Variants in SLC25A6 observed in about 807,000 individuals in gnomAD.
SLC25A6 encodes solute carrier family 25 member 6, also known as ADP/ATP translocase 3.
A neutral mutation model predicts 25.7 loss-of-function variants in SLC25A6; 9 were observed. The observed-to-expected ratio is 0.35, with a 90% CI of 0.21 to 0.61. The LOEUF (loss-of-function observed/expected upper bound fraction) is 0.61. SLC25A6 is among the 20% of genes least tolerant of loss of function. The pLI is 0.76. For synonymous variants in SLC25A6, 223 were observed against 197.0 expected, an observed-to-expected ratio of 1.13 and a Z score of -1.11; for missense variants, 404 against 440.5, an observed-to-expected ratio of 0.92 and a Z score of 0.74.
chrX:1,388,792 T>C (rs1358961787), intron 2 of SLC25A6, among the ~76,000 whole-genome samples: 2 of 149,714 alleles, frequency 1.3e-5, no homozygotes, highest in East Asian at 4.0e-4. Flanking sequence ...GATTAAGACA[T>C]CTCATAACAA....
intron 2 of SLC25A6, among the ~76,000 whole-genome samples, chrX:1,387,937 G>A (rs2089347609): frequency 6.6e-6 from 1 of 151,746 alleles, no homozygotes; most frequent in Admixed American, 6.6e-5. Context: ...GACACAGGGA[G>A]AAGACGGTGT....
At position 1,386,620 on chromosome X, in the gene SLC25A6, C is replaced by A; in HGVS notation, c.879G>T (p.Glu293Asp). The A allele has an allele frequency of 6.3e-7, 1 of 1,583,836 alleles. No homozygotes were observed. Among genetic ancestry groups the A allele is most frequent in the Non-Finnish European group, 8.6e-7 (1 of 1,166,096 alleles). The change falls in exon 4 of 4, where the codon GAG becomes GAT. Residue 293 changes from glutamate (E) to aspartate (D), a missense_variant. Glu to Asp is a conservative substitution (Grantham distance 45). Transcript: ENST00000381401. ...GGAFVLVLYD[E>D]LKKVI Reference sequence around the variant, plus strand: ...GCGGCCCTTAGATCACCTTCTTGAGCTCGTCGTACAGGACCAGCACGAAGG... The same window carrying A: ...GCGGCCCTTAGATCACCTTCTTGAGATCGTCGTACAGGACCAGCACGAAGG...
intron 3 of SLC25A6, 22 bp downstream of exon 3, chrX:1,387,257 G>A: frequency 6.2e-7 from 1 of 1,608,152 alleles, no homozygotes; most frequent in Non-Finnish European, 8.5e-7. Context: ...CGGCAGCAAG[G>A]GTCCCCCGCC....
At position 1,389,565 on chromosome X, in the gene SLC25A6, T is replaced by C; in HGVS notation, c.274A>G (p.Lys92Glu). The C allele has an allele frequency of 1.2e-6, 2 of 1,614,150 alleles. No individual in the cohort carries two copies. Among genetic ancestry groups the C allele is most frequent in the Non-Finnish European group, 1.7e-6 (2 of 1,180,022 alleles). ...AGGAAGATCTGCTTGTACTTATCCT[T>C]GAAGGCGAAGTTGAGGGCTTGAGTG... is the stretch of plus-strand genomic sequence containing the variant. Reference protein sequence around the residue: ...FPTQALNFAFKDKYKQIFLGG... With the variant: ...FPTQALNFAFEDKYKQIFLGG... The change falls in exon 2 of 4, where the codon AAG becomes GAG. Residue 92 changes from lysine (K) to glutamate (E), a missense_variant. Coordinates refer to ENST00000381401, the MANE Select transcript of SLC25A6 (RefSeq NM_001636.4).
chrX:1,392,079 G>A lies in SLC25A6; in HGVS notation c.-70C>T. On this transcript the variant is annotated 5_prime_UTR_variant, in exon 1 of 4. Coordinates refer to ENST00000381401, the MANE Select transcript of SLC25A6 (RefSeq NM_001636.4). ...GCGCGGAGAGTGAATGGAGGGCGTC[G>A]CTGGCTCAGCCCTGCCGCCGCCTGG... 3 of 1,192,578 alleles carry A rather than the reference G, an allele frequency of 2.5e-6. No individual in the cohort carries two copies. Among genetic ancestry groups the A allele is most frequent in the East Asian group, 2.6e-5 (1 of 38,476 alleles). The allele number at this position is 1,192,578 out of a possible 1,614,324, so 73.9% of individuals were successfully genotyped here.
At chrX:1,389,125 G>T (rs1248206438) in intron 2 of SLC25A6, 116 bp downstream of exon 2, 117 of 1,168,280 alleles carry the variant, frequency 1.0e-4, no homozygotes, top group East Asian at 1.3e-4. Flanking sequence ...GAGAGAGGCC[G>T]CAGGAGGAAC....
intron 1 of SLC25A6, chrX:1,390,110 A>G (rs1461712026): frequency 3.8e-6 from 1 of 260,538 alleles, no homozygotes; most frequent in African/African-American, 2.2e-5. Context: ...CTCCTGGATT[A>G]AGCCATCCTC....
chrX:1,387,593 C>T (rs1168112185), intron 2 of SLC25A6, among the ~76,000 whole-genome samples, 174 bp from the exon 3 acceptor site: 3 of 151,802 alleles, frequency 2.0e-5, no homozygotes, highest in Non-Finnish European at 2.9e-5. Context: ...CACGAGAGGT[C>T]GGGGCAGGGC....
chrX:1,390,075 G>A (rs1207732039), intron 1 of SLC25A6: 33 of 357,556 alleles, frequency 9.2e-5, no homozygotes, highest in African/African-American at 3.7e-4. Flanking sequence ...GTAGTGGTGC[G>A]ATCTCACCTC....
intron 2 of SLC25A6, 144 bp downstream of exon 2, chrX:1,389,097 C>T (rs1369502725): frequency 6.4e-5 from 50 of 779,838 alleles, no homozygotes; most frequent in African/African-American, 4.9e-4. Flanking sequence ...AGGGAGAAGA[C>T]GGCGTCTCCA....
Position 1,389,387 on chromosome X carries a change from T to A in SLC25A6, c.452A>T (p.Glu151Val). 1 of 1,613,756 alleles carries A rather than the reference T, an allele frequency of 6.2e-7. No homozygotes were observed. Among genetic ancestry groups the A allele is most frequent in the Non-Finnish European group, 8.5e-7 (1 of 1,179,862 alleles). Residue 151 changes from glutamate to valine, a missense_variant, in exon 2 of 4, where the codon GAG becomes GTG. By Grantham distance (121) the Glu-to-Val change is moderately radical (BLOSUM62 -2). Transcript: ENST00000381401. The part of the protein sequence containing the change: ...LAADVGKSGT[E>V]REFRGLGDCL... Reference sequence around the variant, plus strand: ...GTCTCCCAGGCCTCGGAACTCGCGCTCTGTGCCTGACTTTCCCACGTCCGC... The same window carrying A: ...GTCTCCCAGGCCTCGGAACTCGCGCACTGTGCCTGACTTTCCCACGTCCGC...
Position 1,389,739 on chromosome X carries a change from A to G in SLC25A6, c.112-12T>C, listed in dbSNP as rs778599927. On this transcript the variant is annotated splice_polypyrimidine_tract_variant and intron_variant, in intron 1 of 3. Coordinates refer to ENST00000381401, the MANE Select transcript of SLC25A6 (RefSeq NM_001636.4). The stretch of plus-strand genomic sequence containing the variant: ...CTGGCGTGCTGGACCTGGGGGACGC[A>G]GAGGGTGTTCAGACCAGACCCAGGG... 1 of 1,610,738 alleles carries G rather than the reference A, an allele frequency of 6.2e-7. No homozygotes were observed. The highest frequency in any genetic ancestry group is 8.5e-7 in the Non-Finnish European group (1 of 1,178,612).
At chrX:1,391,750 C>A in intron 1 of SLC25A6, 149 bp downstream of exon 1, 1 of 602,930 alleles carries the variant, frequency 1.7e-6, no homozygotes, top group Non-Finnish European at 2.8e-6. Flanking sequence ...GTGACGCGGC[C>A]CCCGGAAGCC....
intron 1 of SLC25A6, among the ~76,000 whole-genome samples, chrX:1,391,697 G>A (rs1280838832): frequency 1.3e-5 from 2 of 152,228 alleles, no homozygotes; most frequent in Non-Finnish European, 2.9e-5. Context: ...GCCGGGCCCA[G>A]TGCGCACGCG....
intron 2 of SLC25A6, 117 bp downstream of exon 2, chrX:1,389,124 C>T (rs1569529170): frequency 1.3e-5 from 15 of 1,157,292 alleles, no homozygotes; most frequent in Middle Eastern, 5.8e-4. Context: ...GGAGAGAGGC[C>T]GCAGGAGGAA....
intron 1 of SLC25A6, among the ~76,000 whole-genome samples, chrX:1,391,685 C>T (rs2089414553): frequency 6.6e-6 from 1 of 152,254 alleles, no homozygotes; most frequent in South Asian, 2.1e-4. Flanking sequence ...TTCCCCCCGC[C>T]CGCCGGGCCC....
intron 2 of SLC25A6, 77 bp downstream of exon 2, chrX:1,389,164 T>C: frequency 2.0e-6 from 3 of 1,517,704 alleles, no homozygotes; most frequent in Non-Finnish European, 8.9e-7. Flanking sequence ...ATCTCAGACC[T>C]TCAGCCCACA....
rs767352933 is a variant in SLC25A6 at position 1,392,035 on chromosome X, G to T, written c.-26C>A. On this transcript the variant is annotated 5_prime_UTR_variant, in exon 1 of 4. Coordinates refer to ENST00000381401, the MANE Select transcript of SLC25A6 (RefSeq NM_001636.4). The stretch of plus-strand genomic sequence containing the variant: ...GGTGGCAGGGCGGGCAGCGGAACGG[G>T]AGGACAGCCGGAGAACGGGCGCGGA... The T allele has an allele frequency of 6.4e-7, 1 of 1,556,176 alleles. No homozygotes were observed. Among genetic ancestry groups the T allele is most frequent in the Non-Finnish European group, 8.8e-7 (1 of 1,138,068 alleles).
At position 1,386,761 on chromosome X, in the gene SLC25A6, TG is replaced by T. The variant is rs2089330368; in HGVS notation, c.740-3del. On this transcript the variant is annotated splice_polypyrimidine_tract_variant and splice_region_variant and intron_variant, in intron 3 of 3. Coordinates refer to ENST00000381401, the MANE Select transcript of SLC25A6 (RefSeq NM_001636.4). Reference sequence around the variant, plus strand: ...CGGTGCCCGTGTACATGATGTCAGCTGCAACGACAGGGAGACAGTGAGGGCC... The same window carrying T: ...CGGTGCCCGTGTACATGATGTCAGCTCAACGACAGGGAGACAGTGAGGGCC... 1 of 1,602,594 alleles carries T rather than the reference TG, an allele frequency of 6.2e-7. No individual in the cohort carries two copies.
Sources: gnomAD v4.1 joint callset for allele counts (sites outside exome capture counted in the v4.1 genomes callset) on GRCh38, gnomAD v4.1.1 for gene constraint, MANE v1.5 for transcripts, NCBI Gene and HGNC (gene_info 2026-07-23, HGNC 2026-07-21) for gene names.